Variants in XIRP2 observed in about 807,000 individuals in gnomAD.
The protein encoded by XIRP2 is xin actin binding repeat containing 2.
Under a neutral mutation model 277.0 loss-of-function variants are expected in XIRP2, and 236 were observed. The ratio of observed to expected loss-of-function variants is 0.85; its 90% CI spans 0.77 to 0.95. The LOEUF (loss-of-function observed/expected upper bound fraction) is 0.95. Among genes scored for constraint, XIRP2 ranks in the 40% least tolerant of loss-of-function variants. XIRP2 has a pLI of 0.00. For synonymous variants in XIRP2, 1,490 were observed against 1,416.5 expected (o/e 1.05, Z -1.17); for missense variants, 4,640 against 4,157.5 (o/e 1.12, Z -3.19).
intron 2 of XIRP2, among the ~76,000 whole-genome samples, chr2:167,000,092 C>G (rs577150438): frequency 6.6e-6 from 1 of 152,244 alleles, no homozygotes; most frequent in Admixed American, 6.5e-5. Context: ...AAATTGCCCA[C>G]TGGGTTTTCT....
intron 2 of XIRP2, among the ~76,000 whole-genome samples, chr2:167,121,505 T>G (rs938564876): frequency 2.0e-5 from 3 of 152,162 alleles, no homozygotes; most frequent in African/African-American, 7.2e-5. Flanking sequence ...CAGATTAGAT[T>G]TAAAAGGTTT....
At chr2:167,125,638 A>G (rs1247334015) in intron 2 of XIRP2, among the ~76,000 whole-genome samples, 1 of 152,212 alleles carries the variant, frequency 6.6e-6, no homozygotes, top group East Asian at 1.9e-4. Flanking sequence ...GGCCTTTATG[A>G]TTTCTTTAAG....
intron 2 of XIRP2, among the ~76,000 whole-genome samples, chr2:167,070,611 T>G (rs1354255078): frequency 1.3e-5 from 2 of 152,226 alleles, no homozygotes; most frequent in African/African-American, 4.8e-5. Context: ...CTCAAATGGC[T>G]GTTTCTTATC....
At chr2:167,172,539 G>A (rs565785859) in intron 3 of XIRP2, among the ~76,000 whole-genome samples, 12 of 152,194 alleles carry the variant, frequency 7.9e-5, no homozygotes, top group East Asian at 3.9e-4. Context: ...AAAGACAGAC[G>A]TCCCCAGAAC....
intron 2 of XIRP2, among the ~76,000 whole-genome samples, chr2:167,068,387 T>G (rs1033109737): frequency 6.6e-6 from 1 of 152,230 alleles, no homozygotes. Context: ...CCTGTATATC[T>G]GTTACAATTG....
At position 167,233,627 on chromosome 2, in the gene XIRP2, G is replaced by A. The variant is rs114716637; in HGVS notation, c.859-6228G>A. On this transcript the variant is annotated intron_variant, in intron 5 of 10. Transcript: ENST00000409195. The stretch of plus-strand genomic sequence containing the variant: ...AGGAAGGGATGGTAATCAAGAGGTA[G>A]AGTTCTGTTTCTCGATTTTGGTTGG... Among the ~76,000 whole-genome samples the A allele has an allele frequency of 5.2e-3, 794 of 151,920 alleles. 3 individuals carry two copies. Among genetic ancestry groups the A allele is most frequent in the African/African-American group, 0.018 (740 of 41,522 alleles).
intron 2 of XIRP2, among the ~76,000 whole-genome samples, chr2:166,931,591 A>G (rs557830554): frequency 2.0e-5 from 3 of 152,272 alleles, no homozygotes; most frequent in African/African-American, 4.8e-5. Context: ...TACTGTGTAT[A>G]AAAGTAGTTT....
At chr2:167,047,733 A>G (rs1447447025) in intron 2 of XIRP2, among the ~76,000 whole-genome samples, 1 of 151,934 alleles carries the variant, frequency 6.6e-6, no homozygotes, top group African/African-American at 2.4e-5. Context: ...TTTGCCAGGC[A>G]TTTATTTTGA....
chr2:166,980,166 A>G (rs1391864210), intron 2 of XIRP2, among the ~76,000 whole-genome samples: 1 of 152,142 alleles, frequency 6.6e-6, no homozygotes, highest in Non-Finnish European at 1.5e-5. Flanking sequence ...TTTAATATAC[A>G]TAGCTTCTTT....
chr2:167,226,432 C>T (rs1694605061), intron 5 of XIRP2, among the ~76,000 whole-genome samples: 2 of 152,082 alleles, frequency 1.3e-5, no homozygotes, highest in Admixed American at 1.3e-4. Flanking sequence ...ATTGAATCAA[C>T]AGAATTATAT....
intron 5 of XIRP2, among the ~76,000 whole-genome samples, chr2:167,229,127 A>C (rs1034504513): frequency 6.6e-6 from 1 of 152,126 alleles, no homozygotes; most frequent in Non-Finnish European, 1.5e-5. Context: ...ATTTGATGTT[A>C]ATAAAGATGT....
intron 3 of XIRP2, among the ~76,000 whole-genome samples, chr2:167,151,664 G>A (rs889280453): frequency 1.3e-5 from 2 of 152,134 alleles, no homozygotes; most frequent in Admixed American, 6.6e-5. Context: ...TTAAAATGCA[G>A]ATTTCTTAGT....
At chr2:167,172,895 T>A (rs1692736860) in intron 3 of XIRP2, among the ~76,000 whole-genome samples, 1 of 152,198 alleles carries the variant, frequency 6.6e-6, no homozygotes, top group Non-Finnish European at 1.5e-5. Context: ...ACAAGAGTAT[T>A]GATTGGGGAA....
At chr2:166,897,834 G>T (rs1684282171) in intron 1 of XIRP2, among the ~76,000 whole-genome samples, 1 of 152,086 alleles carries the variant, frequency 6.6e-6, no homozygotes, top group Non-Finnish European at 1.5e-5. Flanking sequence ...GCCATGCAGT[G>T]GGGGTTGGAA....
intron 1 of XIRP2, among the ~76,000 whole-genome samples, chr2:166,901,635 A>G (rs911692119): frequency 2.0e-5 from 3 of 152,014 alleles, no homozygotes; most frequent in African/African-American, 7.2e-5. Context: ...CAGCGTCTCA[A>G]CCATTCCCAT....
chr2:166,901,680 A>G (rs1349368829), intron 1 of XIRP2, among the ~76,000 whole-genome samples: 1 of 152,136 alleles, frequency 6.6e-6, no homozygotes, highest in African/African-American at 2.4e-5. Flanking sequence ...CACATATGAG[A>G]CACAGACATT....
chr2:167,215,058 A>G (rs1025054670), intron 4 of XIRP2, among the ~76,000 whole-genome samples: 3 of 152,198 alleles, frequency 2.0e-5, no homozygotes, highest in African/African-American at 7.2e-5. Context: ...CTTCTTAATA[A>G]TTACCTTAAT....
chr2:167,128,493 T>G (rs1691275625), intron 2 of XIRP2, among the ~76,000 whole-genome samples: 1 of 152,188 alleles, frequency 6.6e-6, no homozygotes, highest in Non-Finnish European at 1.5e-5. Flanking sequence ...ACTTCATATC[T>G]ACACATTCCA....
intron 3 of XIRP2, among the ~76,000 whole-genome samples, chr2:167,151,813 T>C (rs1692024390): frequency 6.6e-6 from 1 of 152,022 alleles, no homozygotes; most frequent in Admixed American, 6.6e-5. Flanking sequence ...AAAAACTAGG[T>C]GCATGGTTGT....
Sources: allele counts gnomAD v4.1 joint callset (sites outside exome capture counted in the v4.1 genomes callset), GRCh38; gene constraint gnomAD v4.1.1; transcripts MANE v1.5; gene names NCBI Gene and HGNC (gene_info 2026-07-23, HGNC 2026-07-21).